MOGAT1: variants seen among roughly 807,000 people sequenced by gnomAD.
MOGAT1 encodes the protein 2-acylglycerol O-acyltransferase 1.
Under a neutral mutation model 31.4 loss-of-function variants are expected in MOGAT1, and 32 were observed. The ratio of observed to expected loss-of-function variants is 1.02; its 90% CI spans 0.77 to 1.37. MOGAT1 has a LOEUF of 1.37. Ranked by LOEUF, MOGAT1 falls within the 40% of genes most tolerant of loss-of-function variation. MOGAT1 has a pLI of 0.00. For synonymous variants in MOGAT1, 145 were observed against 144.5 expected, an observed-to-expected ratio of 1.00 and a Z score of -0.03; for missense variants, 426 against 402.0, an observed-to-expected ratio of 1.06 and a Z score of -0.51.
At chr2:222,687,197 A>T (rs1692688693) in intron 1 of MOGAT1, among the ~76,000 whole-genome samples, 1 of 151,022 alleles carries the variant, frequency 6.6e-6, no homozygotes, top group South Asian at 2.1e-4. Flanking sequence ...TAAAACATGT[A>T]TGTCAGTATA....
intron 5 of MOGAT1, among the ~76,000 whole-genome samples, chr2:222,702,906 A>C (rs1273584431): frequency 6.6e-6 from 1 of 152,128 alleles, no homozygotes; most frequent in Non-Finnish European, 1.5e-5. Context: ...TAAAAAAATA[A>C]AGAAAGGGAA....
intron 5 of MOGAT1, among the ~76,000 whole-genome samples, chr2:222,708,957 A>G (rs1481043359): frequency 6.6e-6 from 1 of 152,238 alleles, no homozygotes; most frequent in Non-Finnish European, 1.5e-5. Context: ...TATTACAAAC[A>G]ATGGAATCCA....
chr2:222,676,622 T>TTA (rs1368564014), intron 1 of MOGAT1, among the ~76,000 whole-genome samples: 2 of 152,212 alleles, frequency 1.3e-5, no homozygotes, highest in African/African-American at 4.8e-5. Context: ...AATGCCTTGA[T>TTA]TATATGACAG....
intron 5 of MOGAT1, among the ~76,000 whole-genome samples, chr2:222,708,418 A>AGCATCC (rs1429700634): frequency 6.6e-6 from 1 of 152,184 alleles, no homozygotes; most frequent in Non-Finnish European, 1.5e-5. Flanking sequence ...CATCAGTAGC[A>AGCATCC]GCATCCGACC....
intron 5 of MOGAT1, among the ~76,000 whole-genome samples, chr2:222,696,251 A>G (rs751200706): frequency 2.6e-5 from 4 of 152,208 alleles, no homozygotes; most frequent in African/African-American, 9.6e-5. Flanking sequence ...TATTTTTCGT[A>G]TAATGACTTC....
chr2:222,675,521 C>T (rs1286076621), intron 1 of MOGAT1, among the ~76,000 whole-genome samples: 5 of 150,534 alleles, frequency 3.3e-5, no homozygotes, highest in African/African-American at 1.2e-4. Flanking sequence ...ACTCTGTCGC[C>T]CAGGCTGGAG....
chr2:222,689,823 C>T (rs2106037518), intron 3 of MOGAT1, among the ~76,000 whole-genome samples: 1 of 152,330 alleles, frequency 6.6e-6, no homozygotes, highest in Non-Finnish European at 1.5e-5. Flanking sequence ...AAATCACACC[C>T]TTGGAGAGGC....
chr2:222,684,080 T>G (rs1173072383), intron 1 of MOGAT1, among the ~76,000 whole-genome samples: 1 of 152,148 alleles, frequency 6.6e-6, no homozygotes, highest in East Asian at 1.9e-4. Flanking sequence ...GTTTTTATAG[T>G]GTTTTCTTGT....
chr2:222,681,357 A>T (rs192105051), intron 1 of MOGAT1, among the ~76,000 whole-genome samples: 1 of 152,330 alleles, frequency 6.6e-6, no homozygotes, highest in East Asian at 1.9e-4. Flanking sequence ...GTCATTTGCT[A>T]TGATGGCTCA....
intron 1 of MOGAT1, among the ~76,000 whole-genome samples, chr2:222,678,491 T>A (rs1478989418): frequency 2.0e-5 from 3 of 152,264 alleles, no homozygotes; most frequent in Non-Finnish European, 2.9e-5. Flanking sequence ...AAGTCATTTA[T>A]CAGCGATGAG....
At chr2:222,704,989 T>G (rs145598601) in intron 5 of MOGAT1, among the ~76,000 whole-genome samples, 28 of 152,256 alleles carry the variant, frequency 1.8e-4, no homozygotes, top group African/African-American at 6.3e-4. Context: ...AAAGCAAGTT[T>G]ATTAGGAAAG....
At chr2:222,700,082 A>C (rs1256832824) in intron 5 of MOGAT1, among the ~76,000 whole-genome samples, 1 of 152,366 alleles carries the variant, frequency 6.6e-6, no homozygotes, top group African/African-American at 2.4e-5. Context: ...TATGCAAAGT[A>C]CTATTGTTAG....
At chr2:222,701,299 G>GGAGGAGAGAGA (rs1553562915) in intron 5 of MOGAT1, among the ~76,000 whole-genome samples, 8 of 90,498 alleles carry the variant, frequency 8.8e-5, no homozygotes, top group African/African-American at 3.1e-4. Context: ...AGGAGGAGGA[G>GGAGGAGAGAGA]GAGAGAGAGA....
intron 5 of MOGAT1, among the ~76,000 whole-genome samples, chr2:222,707,241 A>G (rs1693014915): frequency 6.7e-6 from 1 of 149,540 alleles, no homozygotes; most frequent in African/African-American, 2.5e-5. Context: ...GAAGGAAGGG[A>G]GGGGAAAGAA....
chr2:222,699,537 C>A (rs191079482), intron 5 of MOGAT1: 1 of 118,818 alleles, frequency 8.4e-6, no homozygotes, highest in Non-Finnish European at 1.7e-5. Context: ...CACTATGTCA[C>A]CCAGGCTGGA....
At chr2:222,673,733 G>T (rs934278436) in intron 1 of MOGAT1, among the ~76,000 whole-genome samples, 2 of 152,178 alleles carry the variant, frequency 1.3e-5, no homozygotes, top group Non-Finnish European at 2.9e-5. Flanking sequence ...ACACATCTCT[G>T]ATAGCCACTG....
chr2:222,697,035 A>C (rs1574975704), intron 5 of MOGAT1, among the ~76,000 whole-genome samples: 2 of 152,152 alleles, frequency 1.3e-5, no homozygotes, highest in East Asian at 3.8e-4. Flanking sequence ...TCAAGACCCT[A>C]TCTCAGAAAA....
chr2:222,690,258 T>TA (rs1356375345), intron 3 of MOGAT1, among the ~76,000 whole-genome samples: 2 of 151,642 alleles, frequency 1.3e-5, no homozygotes, highest in East Asian at 3.9e-4. Context: ...CAATCACAAT[T>TA]AAAAAAATAA....
chr2:222,698,107 T>C (rs777143870), intron 5 of MOGAT1, among the ~76,000 whole-genome samples: 23 of 116,754 alleles, frequency 2.0e-4, no homozygotes, highest in Non-Finnish European at 3.7e-4. Flanking sequence ...ACATAGCAGA[T>C]GGGGTTTTAG....
Sources: gnomAD v4.1 joint callset for allele counts (sites outside exome capture counted in the v4.1 genomes callset) on GRCh38, gnomAD v4.1.1 for gene constraint, MANE v1.5 for transcripts, NCBI Gene and HGNC (gene_info 2026-07-23, HGNC 2026-07-21) for gene names.